SLC13A3: variants seen among roughly 807,000 people sequenced by gnomAD.
The protein encoded by SLC13A3 is solute carrier family 13 member 3, also known as Na(+)/dicarboxylate cotransporter 3.
Under a neutral mutation model 59.0 loss-of-function variants are expected in SLC13A3, and 40 were observed. The observed-to-expected ratio is 0.68, with a 90% CI of 0.53 to 0.88. The LOEUF (loss-of-function observed/expected upper bound fraction) is 0.88, where lower values mean the gene tolerates loss of function less well. Among genes scored for constraint, SLC13A3 ranks in the 40% least tolerant of loss-of-function variants. SLC13A3 has a pLI of 0.00. For synonymous variants in SLC13A3, 317 were observed against 330.3 expected (o/e 0.96, Z 0.44); for missense variants, 699 against 783.2 (o/e 0.89, Z 1.28).
At position 46,592,511 on chromosome 20, in the gene SLC13A3, G is replaced by A. The variant is rs139209119; in HGVS notation, c.813C>T (p.Asp271=). The change falls in exon 6 of 13, where the codon GAC becomes GAT. Residue 271 remains aspartate, a synonymous_variant. Coordinates refer to ENST00000279027, the MANE Select transcript of SLC13A3 (RefSeq NM_022829.6). The part of the protein sequence containing the change: ...GQLKSFFPQC[D]VVNFGSWFIF... ...TGAACCAGGAGCCGAAATTCACCAC[G>A]TCACACTGCGGAAAGAAACTGGAGA... The A allele has an allele frequency of 3.5e-4, 560 of 1,613,716 alleles. 3 individuals carry two copies. In the African/African-American group the frequency reaches 3.8e-3, roughly 11 times the overall value.
intron 4 of SLC13A3, 36 bp downstream of exon 4, chr20:46,599,935 G>T (rs2062355290): frequency 4.1e-6 from 6 of 1,460,094 alleles, no homozygotes; most frequent in Non-Finnish European, 5.6e-6. Context: ...CTTGAATCAA[G>T]CACTGGGTCC....
chr20:46,562,741 C>T lies in SLC13A3; in HGVS notation c.1632+673G>A, dbSNP rs202398. On this transcript the variant is annotated intron_variant, in intron 12 of 12. Transcript: ENST00000279027. ...CGAACAAATCAATGAGTCTCTGTCT[C>T]GTCTCTTCTCTGTTTGCTCTGTGTC... is the stretch of plus-strand genomic sequence containing the variant. Among the ~76,000 whole-genome samples, 366 of 152,216 alleles carry T rather than the reference C, an allele frequency of 2.4e-3. 3 individuals are homozygous for T. Among genetic ancestry groups the T allele is most frequent in the African/African-American group, 8.5e-3 (353 of 41,538 alleles).
chr20:46,654,118 A>AT (rs1158149350), upstream of SLC13A3, among the ~76,000 whole-genome samples: 2 of 152,112 alleles, frequency 1.3e-5, no homozygotes, highest in African/African-American at 2.4e-5. Flanking sequence ...ATTTTCTGTG[A>AT]TTTTTTTAAA....
chr20:46,589,796 G>A lies in SLC13A3; in HGVS notation c.921-541C>T, dbSNP rs550036512. ...GGTGCTAGGAAAACTGGACAGCCATGTGGAAAAGAATGAATCTGGACCCCT... is the reference window on the plus strand; with the variant it reads ...GGTGCTAGGAAAACTGGACAGCCATATGGAAAAGAATGAATCTGGACCCCT... On this transcript the variant is annotated intron_variant, in intron 6 of 12. Transcript: ENST00000279027. 8.5e-5 allele frequency among the ~76,000 whole-genome samples: 13 copies of A among 152,288 alleles called. No individual in the cohort carries two copies. The South Asian group carries it at 1.2e-3, about 15-fold the overall frequency.
chr20:46,588,413 G>A (rs1394165227), intron 7 of SLC13A3, among the ~76,000 whole-genome samples: 1 of 152,072 alleles, frequency 6.6e-6, no homozygotes, highest in South Asian at 2.1e-4. Context: ...CCCCCTCCCC[G>A]AAATCGCGTG....
chr20:46,578,207 G>A (rs1003544226), intron 9 of SLC13A3, among the ~76,000 whole-genome samples: 1 of 151,748 alleles, frequency 6.6e-6, no homozygotes, highest in African/African-American at 2.4e-5. Flanking sequence ...TGGGATTACA[G>A]GCGTGAGCCA....
intron 6 of SLC13A3, among the ~76,000 whole-genome samples, 177 bp downstream of exon 6, chr20:46,592,227 A>G (rs1813343481): frequency 8.1e-6 from 1 of 123,548 alleles, no homozygotes; most frequent in Non-Finnish European, 1.5e-5. Flanking sequence ...CTAAATGCAT[A>G]CATACATACA....
At chr20:46,676,747 T>C (rs1376727864) in intron 1 of SLC13A3, among the ~76,000 whole-genome samples, 1 of 151,998 alleles carries the variant, frequency 6.6e-6, no homozygotes, top group African/African-American at 2.4e-5. Context: ...CCACCTTGCC[T>C]GGCAGATCTG....
At position 46,560,196 on chromosome 20, in the gene SLC13A3, C is replaced by A; in HGVS notation, c.1635G>T (p.Val545=). Residue 545 remains valine (V), a splice_region_variant and synonymous_variant, in exon 13 of 13, where the codon GTG becomes GTT. Coordinates refer to ENST00000279027, the MANE Select transcript of SLC13A3 (RefSeq NM_022829.6). ...TCAGGTTCATCAGGAGGCCTGTCCG[C>A]ACCTGAAATAGAGCCCAGACAGAGG... ...ASGHLLVKDM[V]RTGLLMNLMG... The A allele has an allele frequency of 6.2e-7, 1 of 1,614,048 alleles. No individual in the cohort carries two copies.
chr20:46,656,358 TG>T (rs574987551), upstream of SLC13A3, among the ~76,000 whole-genome samples: 1 of 85,208 alleles, frequency 1.2e-5, no homozygotes, highest in Admixed American at 1.4e-4. Context: ...ATACTGTATA[TG>T]ATATACTATA....
At chr20:46,635,757 G>A (rs2062789861) in intron 1 of SLC13A3, among the ~76,000 whole-genome samples, 1 of 152,154 alleles carries the variant, frequency 6.6e-6, no homozygotes, top group Non-Finnish European at 1.5e-5. Context: ...AGGTCAGCAG[G>A]ACTGGTTTCA....
chr20:46,592,436 C>T lies in SLC13A3; in HGVS notation c.888G>A (p.Trp296Ter). The T allele has an allele frequency of 6.2e-7, 1 of 1,613,952 alleles. No homozygotes were observed. Among genetic ancestry groups the T allele is most frequent in the Non-Finnish European group, 8.5e-7 (1 of 1,179,928 alleles). The change falls in exon 6 of 13, where the codon TGG (tryptophan) becomes TGA (stop). Residue 296 changes from tryptophan to a stop codon, truncating the protein, a stop_gained. Transcript: ENST00000279027. LOFTEE classifies it high-confidence loss of function. ...TCAGTCCCCCGTACAGGAAGGAGAT[C>T]CAGAGCCAGCCTGCCAACAGGAACA... Reference protein sequence around the residue: ...MLLFLLAGWLWISFLYGGLSF... With the variant: ...MLLFLLAGWL
chr20:46,655,990 TATG>T (rs1338165005), upstream of SLC13A3, among the ~76,000 whole-genome samples: 5 of 136,758 alleles, frequency 3.7e-5, no homozygotes, highest in East Asian at 8.3e-4. Flanking sequence ...TATATGTATA[TATG>T]TATACTACAT....
chr20:46,594,701 C>T (rs1356758057), intron 5 of SLC13A3, among the ~76,000 whole-genome samples: 2 of 150,860 alleles, frequency 1.3e-5, no homozygotes, highest in Non-Finnish European at 2.9e-5. Context: ...ACTCAGTGGG[C>T]TTAAATCAAT....
intron 1 of SLC13A3, among the ~76,000 whole-genome samples, chr20:46,639,620 G>A (rs766802475): frequency 6.6e-6 from 1 of 152,184 alleles, no homozygotes; most frequent in Non-Finnish European, 1.5e-5. Context: ...CCACTCCAGT[G>A]TCTGGATGAC....
At chr20:46,674,604 C>CGCGTGCGTGT (rs370861850), upstream of SLC13A3, among the ~76,000 whole-genome samples, 6 of 127,880 alleles carry the variant, frequency 4.7e-5, no homozygotes, top group African/African-American at 1.9e-4. Context: ...CGCGCGCGCG[C>CGCGTGCGTGT]GTGTGTGTGT....
chr20:46,578,749 G>A (rs527282566), intron 9 of SLC13A3, among the ~76,000 whole-genome samples: 1 of 152,212 alleles, frequency 6.6e-6, no homozygotes, highest in Non-Finnish European at 1.5e-5. Flanking sequence ...GGAATAAAGA[G>A]TAACACAGGA....
intron 1 of SLC13A3, among the ~76,000 whole-genome samples, chr20:46,635,450 G>A (rs1555882176): frequency 6.6e-6 from 1 of 152,172 alleles, no homozygotes; most frequent in Non-Finnish European, 1.5e-5. Context: ...TAGATGCTCA[G>A]GGCTTGCTCC....
intron 10 of SLC13A3, among the ~76,000 whole-genome samples, chr20:46,569,256 G>C (rs985927643): frequency 4.6e-5 from 7 of 152,058 alleles, no homozygotes; most frequent in African/African-American, 1.7e-4. Context: ...CTCCCAAAGT[G>C]CTGGGATTAC....
Sources: gnomAD v4.1 joint callset for allele counts (sites outside exome capture counted in the v4.1 genomes callset) on GRCh38, gnomAD v4.1.1 for gene constraint, MANE v1.5 for transcripts, NCBI Gene and HGNC (gene_info 2026-07-23, HGNC 2026-07-21) for gene names.